Variants in NCAM2 observed in about 807,000 individuals in gnomAD.
NCAM2 encodes N-CAM-2.
NCAM2 carries 30 observed loss-of-function variants against 98.1 expected under a neutral mutation model. That is an observed-to-expected ratio of 0.31 (90% CI 0.23 to 0.41). The LOEUF is 0.41. NCAM2 is among the 10% of genes least tolerant of loss of function. The probability of loss-of-function intolerance (pLI) is 1.00; values close to 1 mark genes in which losing one functional copy is unlikely to be tolerated. For synonymous variants in NCAM2, 368 were observed against 342.4 expected (o/e 1.07, Z -0.83); for missense variants, 867 against 1,005.8 (o/e 0.86, Z 1.87).
chr21:21,147,063 A>ACTCCGGAACTCATACCCTTTGCCTTCTC (rs2067298629), intron 1 of NCAM2: 1 of 958,860 alleles, frequency 1.0e-6, no homozygotes, highest in Non-Finnish European at 1.2e-6. Flanking sequence ...GCTGCCTTCT[A>ACTCCGGAACTCATACCCTTTGCCTTCTC]CTCCGGAACT....
At chr21:21,017,845 G>C (rs955091889) in intron 1 of NCAM2, among the ~76,000 whole-genome samples, 4 of 151,892 alleles carry the variant, frequency 2.6e-5, no homozygotes, top group Non-Finnish European at 5.9e-5. Flanking sequence ...ATATTTGTTT[G>C]TATAGGTCTG....
At chr21:21,481,501 A>G (rs2146278806) in intron 15 of NCAM2, among the ~76,000 whole-genome samples, 1 of 152,330 alleles carries the variant, frequency 6.6e-6, no homozygotes, top group Admixed American at 6.5e-5. Flanking sequence ...AATTAGGTAC[A>G]AGTGGGCAGA....
chr21:21,381,989 A>G (rs908041274), intron 9 of NCAM2, among the ~76,000 whole-genome samples: 18 of 152,062 alleles, frequency 1.2e-4, no homozygotes, highest in African/African-American at 3.6e-4. Flanking sequence ...AGAATTCTAC[A>G]TTGACATTTC....
intron 6 of NCAM2, among the ~76,000 whole-genome samples, chr21:21,331,869 G>A (rs1196523429): frequency 6.7e-6 from 1 of 149,712 alleles, no homozygotes; most frequent in Non-Finnish European, 1.5e-5. Context: ...TTGCAGGTGT[G>A]AGCCACCACA....
At chr21:21,283,129 A>G (rs559386555) in intron 2 of NCAM2, among the ~76,000 whole-genome samples, 1 of 152,042 alleles carries the variant, frequency 6.6e-6, no homozygotes, top group East Asian at 1.9e-4. Flanking sequence ...AAAGATGAAG[A>G]TAATGTAACT....
chr21:21,493,694 C>T (rs1327327802), intron 15 of NCAM2, among the ~76,000 whole-genome samples: 1 of 151,884 alleles, frequency 6.6e-6, no homozygotes, highest in Admixed American at 6.6e-5. Flanking sequence ...TCCTCTGTGT[C>T]CTAAAAATCC....
chr21:21,124,965 AAAATT>A (rs781570294), intron 1 of NCAM2, among the ~76,000 whole-genome samples: 12 of 152,156 alleles, frequency 7.9e-5, no homozygotes, highest in East Asian at 1.9e-4. Flanking sequence ...GCCATTACTA[AAAATT>A]AAATTATATA....
chr21:21,252,321 T>C (rs1038833301), intron 1 of NCAM2, among the ~76,000 whole-genome samples: 2 of 151,288 alleles, frequency 1.3e-5, no homozygotes, highest in African/African-American at 4.8e-5. Context: ...TTATTTGCTG[T>C]ATAAGCTATC....
intron 15 of NCAM2, among the ~76,000 whole-genome samples, chr21:21,486,673 A>T (rs547604556): frequency 6.6e-6 from 1 of 152,222 alleles, no homozygotes; most frequent in Admixed American, 6.5e-5. Flanking sequence ...ATGACAAAAT[A>T]TTTTTTTGGA....
intron 1 of NCAM2, among the ~76,000 whole-genome samples, chr21:21,194,949 T>G (rs978380589): frequency 1.3e-5 from 2 of 152,200 alleles, no homozygotes; most frequent in African/African-American, 2.4e-5. Flanking sequence ...CACTTCAGTC[T>G]CTGCTTCTAA....
intron 13 of NCAM2, among the ~76,000 whole-genome samples, chr21:21,467,896 A>G (rs1983930156): frequency 6.6e-6 from 1 of 151,938 alleles, no homozygotes; most frequent in Admixed American, 6.6e-5. Flanking sequence ...AGAAAAAAGA[A>G]ATGACAATAA....
At chr21:21,194,419 C>A (rs1023101410) in intron 1 of NCAM2, among the ~76,000 whole-genome samples, 9 of 152,202 alleles carry the variant, frequency 5.9e-5, no homozygotes, top group Middle Eastern at 3.4e-3. Context: ...CATCTATTAA[C>A]TCATATACTT....
At chr21:21,379,610 A>C (rs1184205679) in intron 9 of NCAM2, among the ~76,000 whole-genome samples, 3 of 152,118 alleles carry the variant, frequency 2.0e-5, no homozygotes, top group African/African-American at 4.8e-5. Flanking sequence ...AGTTGTGCTC[A>C]GAAAACCCTG....
At chr21:21,485,387 C>T (rs543631862) in intron 15 of NCAM2, among the ~76,000 whole-genome samples, 1 of 152,126 alleles carries the variant, frequency 6.6e-6, no homozygotes, top group South Asian at 2.1e-4. Context: ...TTTTTCTGGA[C>T]ATCTGGTAGT....
intron 1 of NCAM2, among the ~76,000 whole-genome samples, chr21:21,047,615 T>G (rs751718524): frequency 1.1e-4 from 16 of 152,172 alleles, no homozygotes; most frequent in Non-Finnish European, 2.1e-4. Context: ...TAGGGATAAA[T>G]AAAACTAATA....
rs562272009 is a variant in NCAM2 at position 21,466,739 on chromosome 21, T to A, written c.1774+14T>A. 1.2e-5 allele frequency: 19 copies of A among 1,589,470 alleles called. No homozygotes were observed. In the South Asian group the frequency reaches 2.1e-4, roughly 17 times the overall value. ...CATTACCAGTTCGTAAGTAATCATC[T>A]CTATTTTTTATTCTCTTTTGTCATT... On this transcript the variant is annotated intron_variant, in intron 13 of 17. Transcript: ENST00000400546.
At chr21:21,394,360 C>T (rs2076449734) in intron 9 of NCAM2, among the ~76,000 whole-genome samples, 1 of 151,360 alleles carries the variant, frequency 6.6e-6, no homozygotes, top group African/African-American at 2.4e-5. Context: ...TGGTAGTTTC[C>T]CTCAGCATAA....
chr21:21,223,873 A>G (rs1409105529), intron 1 of NCAM2: 1 of 152,214 alleles, frequency 6.6e-6, no homozygotes, highest in Non-Finnish European at 1.5e-5. Flanking sequence ...AACATCATCT[A>G]AAAACAGAAA....
At chr21:21,030,662 T>G (rs1019294570) in intron 1 of NCAM2, among the ~76,000 whole-genome samples, 3 of 152,230 alleles carry the variant, frequency 2.0e-5, no homozygotes, top group African/African-American at 7.2e-5. Flanking sequence ...ATTATTATAC[T>G]GACTTTTGAC....
Sources: gnomAD v4.1 joint callset for allele counts (sites outside exome capture counted in the v4.1 genomes callset) on GRCh38, gnomAD v4.1.1 for gene constraint, MANE v1.5 for transcripts, NCBI Gene and HGNC (gene_info 2026-07-23, HGNC 2026-07-21) for gene names.